SRGAP2B: variants seen among roughly 807,000 people sequenced by gnomAD.
SRGAP2B encodes SLIT-ROBO Rho GTPase activating protein 2B.
Under a neutral mutation model 22.2 loss-of-function variants are expected in SRGAP2B, and 9 were observed. That is an observed-to-expected ratio of 0.41 (90% CI 0.24 to 0.71). The LOEUF (loss-of-function observed/expected upper bound fraction) is 0.71, where lower values mean the gene tolerates loss of function less well. Ranked by LOEUF, SRGAP2B falls within the 30% of genes least tolerant of loss-of-function variation. SRGAP2B has a pLI of 0.35. For synonymous variants in SRGAP2B, 36 were observed against 87.4 expected (o/e 0.41, Z 3.28); for missense variants, 114 against 235.8 (o/e 0.48, Z 3.38).
chr1:144,985,158 G>A (rs1669620338), intron 3 of SRGAP2B, among the ~76,000 whole-genome samples: 1 of 126,712 alleles, frequency 7.9e-6, no homozygotes, highest in Admixed American at 8.3e-5. Context: ...TCTTGTATTT[G>A]AATTTAATTT....
rs1358019730 is a variant in SRGAP2B, at chr1:144,965,622, G to T, written c.261-10021C>A. Among the ~76,000 whole-genome samples, 25 of 128,224 alleles carry T rather than the reference G, an allele frequency of 1.9e-4. 1 individual carries two copies. Among genetic ancestry groups the T allele is most frequent in the African/African-American group, 9.2e-4 (25 of 27,268 alleles). 84.1% of individuals were successfully genotyped at this position (128,224 alleles called of 152,430 possible). On this transcript the variant is annotated intron_variant, in intron 3 of 9. Transcript: ENST00000612199. ...AGGAACGCAGTTCCTCACCAGCAAC[G>T]GAACAAAGCTGGATGGAGAATGATT...
chr1:145,009,168 C>T (rs1671842219), intron 2 of SRGAP2B, among the ~76,000 whole-genome samples: 1 of 135,192 alleles, frequency 7.4e-6, no homozygotes, highest in African/African-American at 3.1e-5. Context: ...CAGAGCGAGA[C>T]TCCGTCTCAA....
At chr1:144,973,258 G>T (rs1200085264) in intron 3 of SRGAP2B, among the ~76,000 whole-genome samples, 1 of 147,254 alleles carries the variant, frequency 6.8e-6, no homozygotes, top group East Asian at 1.9e-4. Context: ...GGAGATTCAT[G>T]ATCAAAATGT....
chr1:145,061,608 G>A (rs1650918621), intron 2 of SRGAP2B, among the ~76,000 whole-genome samples: 1 of 150,070 alleles, frequency 6.7e-6, no homozygotes, highest in African/African-American at 2.5e-5. Context: ...CCCCCTCTGA[G>A]ACAGGGTCTC....
chr1:144,955,642 G>T, intron 3 of SRGAP2B, 41 bp from the exon 4 acceptor site: 1 of 640,566 alleles, frequency 1.6e-6, no homozygotes, highest in Non-Finnish European at 2.8e-6. Context: ...TTGTTGATAC[G>T]CAGCCAGGGC....
chr1:144,950,325 A>G (rs1164023372), intron 4 of SRGAP2B, among the ~76,000 whole-genome samples: 1 of 139,184 alleles, frequency 7.2e-6, no homozygotes, highest in Non-Finnish European at 1.5e-5. Context: ...AAAATGTAAA[A>G]TATGTCCCAG....
intron 2 of SRGAP2B, among the ~76,000 whole-genome samples, chr1:145,022,952 G>A (rs587703431): frequency 2.0e-5 from 3 of 149,596 alleles, no homozygotes; most frequent in Admixed American, 1.3e-4. Flanking sequence ...GGATCACGAG[G>A]TCAAGAGATC....
At chr1:144,975,876 T>C (rs1197762717) in intron 3 of SRGAP2B, among the ~76,000 whole-genome samples, 1 of 99,362 alleles carries the variant, frequency 1.0e-5, no homozygotes, top group Non-Finnish European at 2.0e-5. Context: ...TTCTTTTTTT[T>C]TTTTTTTTTT....
chr1:144,940,482 A>G (rs1665941589), intron 4 of SRGAP2B, among the ~76,000 whole-genome samples: 1 of 149,962 alleles, frequency 6.7e-6, no homozygotes, highest in Non-Finnish European at 1.5e-5. Flanking sequence ...TAGATGTACA[A>G]GAACATAGTC....
chr1:144,925,800 G>GAGAA (rs1409182761), intron 4 of SRGAP2B, among the ~76,000 whole-genome samples: 1 of 115,552 alleles, frequency 8.7e-6, no homozygotes, highest in Admixed American at 8.6e-5. Flanking sequence ...AGAAAGGAGA[G>GAGAA]AGAAAGAAAG....
At chr1:144,969,311 A>G (rs1668327793) in intron 3 of SRGAP2B, among the ~76,000 whole-genome samples, 1 of 121,160 alleles carries the variant, frequency 8.3e-6, no homozygotes, top group Non-Finnish European at 1.6e-5. Context: ...GATCAATGGA[A>G]CAGAACAGAG....
intron 4 of SRGAP2B, among the ~76,000 whole-genome samples, chr1:144,921,269 CAAAAAAAAAAA>C: frequency 1.6e-5 from 1 of 62,314 alleles, no homozygotes; most frequent in South Asian, 7.6e-4. Flanking sequence ...TCTAGCTTGC[CAAAAAAAAAAA>C]AAAAAAAAAA....
intron 2 of SRGAP2B, among the ~76,000 whole-genome samples, chr1:145,017,356 T>A (rs1175260780): frequency 1.4e-5 from 2 of 146,206 alleles, no homozygotes; most frequent in Admixed American, 6.8e-5. Flanking sequence ...ATTTAAAAAA[T>A]TTTTTGACAT....
intron 4 of SRGAP2B, among the ~76,000 whole-genome samples, chr1:144,927,077 G>A (rs1174382073): frequency 2.0e-5 from 3 of 150,504 alleles, no homozygotes; most frequent in Admixed American, 1.3e-4. Context: ...AGCCTCCCAA[G>A]TAGCTGGGAC....
chr1:145,007,140 C>T (rs1256949435), intron 2 of SRGAP2B, among the ~76,000 whole-genome samples: 2 of 150,588 alleles, frequency 1.3e-5, no homozygotes, highest in Non-Finnish European at 2.9e-5. Flanking sequence ...CACGATTCCT[C>T]CCATTTCACA....
At chr1:145,020,212 T>C (rs1189948169) in intron 2 of SRGAP2B, among the ~76,000 whole-genome samples, 2 of 141,646 alleles carry the variant, frequency 1.4e-5, no homozygotes, top group Non-Finnish European at 3.0e-5. Context: ...GCCAGGAGTT[T>C]GAGACCAGCC....
rs1461109559 is a variant in SRGAP2B, at chr1:144,904,046, C to T, written c.831+1045G>A. Among the ~76,000 whole-genome samples, 5 of 141,952 alleles carry T rather than the reference C, an allele frequency of 3.5e-5. 1 individual carries two copies. Among genetic ancestry groups the T allele is most frequent in the Non-Finnish European group, 7.6e-5 (5 of 65,760 alleles). 93.1% of individuals were successfully genotyped at this position (141,952 alleles called of 152,430 possible). ...GCAAAAAACAAAAAGCTTATCCCTG[C>T]GCTTGCCCCTTGCAAAACACATGTG... On this transcript the variant is annotated intron_variant, in intron 7 of 9. Coordinates refer to ENST00000612199, the Ensembl canonical transcript of SRGAP2B.
At chr1:144,913,107 T>A (rs1468824226) in intron 5 of SRGAP2B, among the ~76,000 whole-genome samples, 37 of 147,954 alleles carry the variant, frequency 2.5e-4, no homozygotes, top group Non-Finnish European at 4.4e-4. Context: ...TTTTTTTTTT[T>A]AAAGCACAGC....
At chr1:144,993,211 T>C (rs1236211270) in intron 3 of SRGAP2B, among the ~76,000 whole-genome samples, 9 of 151,062 alleles carry the variant, frequency 6.0e-5, no homozygotes, top group Non-Finnish European at 1.3e-4. Context: ...GCTTTCCAGA[T>C]GTAGAGGGGC....
Sources: allele counts gnomAD v4.1 joint callset (sites outside exome capture counted in the v4.1 genomes callset), GRCh38; gene constraint gnomAD v4.1.1; transcripts MANE v1.5; gene names NCBI Gene and HGNC (gene_info 2026-07-23, HGNC 2026-07-21).